SLC25A33: variants seen among roughly 807,000 people sequenced by gnomAD.
The protein encoded by SLC25A33 is solute carrier family 25 member 33, also known as bone marrow stromal cell mitochondrial carrier protein.
SLC25A33 carries 15 observed loss-of-function variants against 35.5 expected under a neutral mutation model. The observed-to-expected ratio is 0.42, with a 90% CI of 0.28 to 0.65. The LOEUF is 0.65. Ranked by LOEUF, SLC25A33 falls within the 30% of genes least tolerant of loss-of-function variation. SLC25A33 has a pLI of 0.20. For synonymous variants in SLC25A33, 136 were observed against 148.7 expected (o/e 0.91, Z 0.62); for missense variants, 257 against 398.5 (o/e 0.64, Z 3.02).
intron 2 of SLC25A33, among the ~76,000 whole-genome samples, chr1:9,557,577 A>G (rs1256920217): frequency 6.6e-6 from 1 of 152,082 alleles, no homozygotes; most frequent in African/African-American, 2.4e-5. Context: ...GCGTGCACCT[A>G]TAATCCCAGC....
chr1:9,560,266 GA>G lies in SLC25A33; in HGVS notation c.236+6462del, dbSNP rs1331798322. On this transcript the variant is annotated intron_variant, in intron 2 of 6. Transcript: ENST00000302692. ...GACTCCATCTCAAAAAAAAAAAAAA[GA>G]GAAAAGAAAAAAAACCCATGCAAAT... is the stretch of plus-strand genomic sequence containing the variant. Among the ~76,000 whole-genome samples, 4 of 147,238 alleles carry G rather than the reference GA, an allele frequency of 2.7e-5. No homozygotes were observed. The East Asian group carries it at 8.1e-4, about 30-fold the overall frequency.
At chr1:9,544,871 G>GGA (rs1434712125) in intron 1 of SLC25A33, among the ~76,000 whole-genome samples, 5 of 152,074 alleles carry the variant, frequency 3.3e-5, no homozygotes, top group Admixed American at 2.6e-4. Flanking sequence ...GAAGACAGTT[G>GGA]GTTTTTACAA....
chr1:9,541,717 G>C (rs1643084924), intron 1 of SLC25A33, among the ~76,000 whole-genome samples: 1 of 146,290 alleles, frequency 6.8e-6, no homozygotes. Context: ...CGTTTTTTAA[G>C]CCAAGAAGGA....
intron 2 of SLC25A33, 50 bp downstream of exon 2, chr1:9,553,855 C>G (rs1191102408): frequency 1.9e-6 from 3 of 1,544,564 alleles, no homozygotes; most frequent in Non-Finnish European, 1.8e-6. Context: ...TGTACCGCCA[C>G]TGTCAACAGA....
At chr1:9,546,174 A>G (rs1225300488) in intron 1 of SLC25A33, among the ~76,000 whole-genome samples, 2 of 100,520 alleles carry the variant, frequency 2.0e-5, no homozygotes, top group Non-Finnish European at 3.7e-5. Flanking sequence ...ACACAGAGAA[A>G]TTTTTTTTTT....
intron 4 of SLC25A33, 132 bp from the exon 5 acceptor site, chr1:9,573,214 A>G (rs1398695037): frequency 3.3e-6 from 2 of 605,448 alleles, no homozygotes; most frequent in African/African-American, 3.7e-5. Flanking sequence ...GGATAGAAAT[A>G]TAACTGCTTC....
At chr1:9,569,707 C>T (rs1643561646) in intron 3 of SLC25A33, among the ~76,000 whole-genome samples, 1 of 152,104 alleles carries the variant, frequency 6.6e-6, no homozygotes, top group Admixed American at 6.6e-5. Context: ...AGAGGGAAGA[C>T]AGCAGGGGGA....
intron 2 of SLC25A33, 122 bp downstream of exon 2, chr1:9,553,927 G>T: frequency 1.8e-6 from 2 of 1,142,542 alleles, no homozygotes; most frequent in South Asian, 1.6e-5. Context: ...CCTAACTTAA[G>T]AATTAGATTT....
chr1:9,548,048 T>C (rs914511184), intron 1 of SLC25A33, among the ~76,000 whole-genome samples: 4 of 151,932 alleles, frequency 2.6e-5, no homozygotes, highest in Non-Finnish European at 5.9e-5. Context: ...CTAATTTCTG[T>C]AGTTTTTGTA....
At chr1:9,551,632 G>A (rs967972391) in intron 1 of SLC25A33, among the ~76,000 whole-genome samples, 1 of 152,088 alleles carries the variant, frequency 6.6e-6, no homozygotes. Flanking sequence ...TGCCTGCTAC[G>A]CTCTAGTTGC....
At chr1:9,571,602 T>A (rs1172523293) in intron 4 of SLC25A33, among the ~76,000 whole-genome samples, 1 of 151,978 alleles carries the variant, frequency 6.6e-6, no homozygotes. Flanking sequence ...TATAGAGTTC[T>A]ATGTTCATTT....
chr1:9,539,505 C>T lies in SLC25A33; in HGVS notation c.-187C>T. On this transcript the variant is annotated 5_prime_UTR_variant, in exon 1 of 7. Coordinates refer to ENST00000302692, the MANE Select transcript of SLC25A33 (RefSeq NM_032315.3). ...TCGCGCCGCAGAGGCCGGTGAGGCG[C>T]CGGCGGCCACGCCGCGGAAGGCGCG... 4.1e-6 allele frequency: 1 copy of T among 245,338 alleles called. No homozygotes were observed. Among genetic ancestry groups the T allele is most frequent in the Non-Finnish European group, 7.3e-6 (1 of 137,198 alleles). 15.2% of individuals were successfully genotyped at this position (245,338 alleles called of 1,614,324 possible).
At chr1:9,555,359 C>T (rs558845658) in intron 2 of SLC25A33, among the ~76,000 whole-genome samples, 2 of 152,112 alleles carry the variant, frequency 1.3e-5, no homozygotes, top group Admixed American at 6.5e-5. Flanking sequence ...ACCTCGTGAT[C>T]CGCCCACCTT....
intron 2 of SLC25A33, among the ~76,000 whole-genome samples, chr1:9,561,166 A>G (rs1643418977): frequency 6.6e-6 from 1 of 152,124 alleles, no homozygotes; most frequent in Non-Finnish European, 1.5e-5. Context: ...GATGGACTCC[A>G]TCTCCTGGCC....
At chr1:9,551,228 C>T (rs934240167) in intron 1 of SLC25A33, among the ~76,000 whole-genome samples, 3 of 151,780 alleles carry the variant, frequency 2.0e-5, no homozygotes, top group African/African-American at 7.3e-5. Flanking sequence ...ACTAAAAATA[C>T]AAAAAAATAC....
chr1:9,544,621 G>C (rs1443256634), intron 1 of SLC25A33, among the ~76,000 whole-genome samples: 2 of 152,098 alleles, frequency 1.3e-5, no homozygotes, highest in Non-Finnish European at 2.9e-5. Flanking sequence ...ATACAGAAAA[G>C]CACCTAATGT....
At chr1:9,554,265 G>T (rs1027652254) in intron 2 of SLC25A33, among the ~76,000 whole-genome samples, 16 of 152,318 alleles carry the variant, frequency 1.1e-4, no homozygotes, top group South Asian at 2.1e-4. Flanking sequence ...CTCGCTGCAG[G>T]TGATCTGCCC....
intron 2 of SLC25A33, among the ~76,000 whole-genome samples, chr1:9,558,836 T>C (rs2100387295): frequency 6.6e-6 from 1 of 152,290 alleles, no homozygotes; most frequent in South Asian, 2.1e-4. Context: ...CTCAGTCTGA[T>C]CTCAGCAGAG....
chr1:9,581,245 G>A (rs900112805), intron 6 of SLC25A33, among the ~76,000 whole-genome samples: 1 of 152,154 alleles, frequency 6.6e-6, no homozygotes, highest in Non-Finnish European at 1.5e-5. Flanking sequence ...GGCCCAGGTG[G>A]GCAAAGGCTG....
Sources: allele counts gnomAD v4.1 joint callset (sites outside exome capture counted in the v4.1 genomes callset), GRCh38; gene constraint gnomAD v4.1.1; transcripts MANE v1.5; gene names NCBI Gene and HGNC (gene_info 2026-07-23, HGNC 2026-07-21).